Variants in MAP4K3 observed in about 807,000 individuals in gnomAD.
MAP4K3 encodes MAPK/ERK kinase kinase kinase 3.
In MAP4K3, 94 loss-of-function variants were observed where a neutral mutation model predicts 143.5. The ratio of observed to expected loss-of-function variants is 0.65; its 90% CI spans 0.55 to 0.78. The LOEUF (loss-of-function observed/expected upper bound fraction) is 0.78, where lower values mean the gene tolerates loss of function less well. Ranked by LOEUF, MAP4K3 falls within the 30% of genes least tolerant of loss-of-function variation. The pLI, the probability that MAP4K3 is intolerant of heterozygous loss-of-function variation, is 0.00. For synonymous variants in MAP4K3, 416 were observed against 347.2 expected (o/e 1.20, Z -2.20); for missense variants, 1,077 against 1,068.1 (o/e 1.01, Z -0.12).
chr2:39,306,973 T>G (rs1261532785), intron 15 of MAP4K3, among the ~76,000 whole-genome samples: 1 of 152,226 alleles, frequency 6.6e-6, no homozygotes, highest in Non-Finnish European at 1.5e-5. Context: ...AGAGTTTGTA[T>G]GTGTAAGTAT....
chr2:39,358,263 C>T (rs1385970110), intron 2 of MAP4K3, among the ~76,000 whole-genome samples: 4 of 152,260 alleles, frequency 2.6e-5, no homozygotes, highest in Non-Finnish European at 4.4e-5. Context: ...CATGTCTTTG[C>T]CTTCACTAGA....
intron 28 of MAP4K3, among the ~76,000 whole-genome samples, chr2:39,261,866 T>C (rs1369900760): frequency 1.3e-5 from 2 of 152,066 alleles, no homozygotes; most frequent in African/African-American, 2.4e-5. Flanking sequence ...TTAGTTCTAA[T>C]GTTTAGGGAT....
intron 13 of MAP4K3, 108 bp downstream of exon 13, chr2:39,315,202 G>T: frequency 1.5e-6 from 1 of 680,534 alleles, no homozygotes; most frequent in Non-Finnish European, 2.3e-6. Flanking sequence ...CTTTAACAGT[G>T]TTTAGTAAGA....
intron 8 of MAP4K3, among the ~76,000 whole-genome samples, chr2:39,329,999 T>C (rs1275339645): frequency 6.6e-6 from 1 of 152,112 alleles, no homozygotes; most frequent in Non-Finnish European, 1.5e-5. Flanking sequence ...ATTTTTTTGT[T>C]CTTAGAGAAA....
intron 1 of MAP4K3, among the ~76,000 whole-genome samples, chr2:39,411,995 T>G (rs1242333781): frequency 3.3e-5 from 5 of 152,182 alleles, no homozygotes; most frequent in Admixed American, 3.3e-4. Context: ...AAGAAATGAG[T>G]GAGGGTAAAC....
At chr2:39,259,745 G>A (rs1314254837) in intron 29 of MAP4K3, among the ~76,000 whole-genome samples, 3 of 152,086 alleles carry the variant, frequency 2.0e-5, no homozygotes, top group Non-Finnish European at 4.4e-5. Context: ...AAAAATATTT[G>A]AGTCTATATA....
intron 23 of MAP4K3, 34 bp from the exon 24 acceptor site, chr2:39,278,520 T>A: frequency 8.4e-7 from 1 of 1,194,102 alleles, no homozygotes; most frequent in South Asian, 1.4e-5. Context: ...CTGATTTTGG[T>A]AAATAAAATA....
At chr2:39,411,437 G>A (rs529151080) in intron 1 of MAP4K3, among the ~76,000 whole-genome samples, 2 of 152,316 alleles carry the variant, frequency 1.3e-5, no homozygotes, top group East Asian at 3.9e-4. Flanking sequence ...TATGGTTTCA[G>A]TGTCTTGTTT....
In MAP4K3 at chr2:39,250,757, T is replaced by C. The variant is rs373967246; in HGVS notation, c.2598-52A>G. On this transcript the variant is annotated intron_variant, in intron 33 of 33. Transcript: ENST00000263881. ...AAACAAAGTTATTCCTGAAAATTAATGTTAGCTCCCAAATTTTCCATTGCT... is the reference window on the plus strand; with the variant it reads ...AAACAAAGTTATTCCTGAAAATTAACGTTAGCTCCCAAATTTTCCATTGCT... 1.9e-4 allele frequency: 278 copies of C among 1,465,520 alleles called. 1 individual carries two copies. The African/African-American group carries it at 3.3e-3, about 17-fold the overall frequency. The allele number at this position is 1,465,520 out of a possible 1,614,324, so 90.8% of individuals were successfully genotyped here. A position where few individuals can be genotyped will look rare whatever the true frequency, so the allele number is the denominator to read the frequency against.
chr2:39,249,958 T>C lies in MAP4K3; in HGVS notation c.*660A>G, dbSNP rs1460728358. ...CACATAGAAAACAATCCAAATACAT[T>C]TGTGGAGCCAAATGCTTATAGACAA... On this transcript the variant is annotated 3_prime_UTR_variant, in exon 34 of 34. Coordinates refer to ENST00000263881, the MANE Select transcript of MAP4K3 (RefSeq NM_003618.4). 1 of 152,262 alleles carries C rather than the reference T, an allele frequency of 6.6e-6. No individual in the cohort carries two copies. The highest frequency in any genetic ancestry group is 1.5e-5 in the Non-Finnish European group (1 of 68,000). The allele number at this position is 152,262 out of a possible 1,614,324, so 9.4% of individuals were successfully genotyped here.
At chr2:39,255,765 A>G (rs190743027) in intron 31 of MAP4K3, among the ~76,000 whole-genome samples, 1 of 152,274 alleles carries the variant, frequency 6.6e-6, no homozygotes, top group African/African-American at 2.4e-5. Flanking sequence ...GGCTCAAGCA[A>G]TTCTCCTGCC....
At chr2:39,298,023 T>A (rs1369323983) in intron 16 of MAP4K3, among the ~76,000 whole-genome samples, 1 of 152,090 alleles carries the variant, frequency 6.6e-6, no homozygotes, top group Non-Finnish European at 1.5e-5. Context: ...GTACTTTGCA[T>A]GTACAGATTT....
intron 2 of MAP4K3, among the ~76,000 whole-genome samples, chr2:39,357,274 G>A (rs1665639108): frequency 6.6e-6 from 1 of 152,192 alleles, no homozygotes; most frequent in Admixed American, 6.5e-5. Context: ...AAATGGAAGT[G>A]CTTACTCTGA....
chr2:39,359,754 T>G (rs1665713545), intron 2 of MAP4K3, among the ~76,000 whole-genome samples: 1 of 152,384 alleles, frequency 6.6e-6, no homozygotes, highest in African/African-American at 2.4e-5. Flanking sequence ...GCTGCCAGGC[T>G]TGGGGCTTGC....
intron 29 of MAP4K3, among the ~76,000 whole-genome samples, chr2:39,260,385 G>A (rs1680518742): frequency 6.6e-6 from 1 of 152,072 alleles, no homozygotes; most frequent in African/African-American, 2.4e-5. Flanking sequence ...CAAAGTACTG[G>A]GATTACTGGC....
chr2:39,306,997 G>C (rs781744525), intron 15 of MAP4K3, among the ~76,000 whole-genome samples: 4 of 152,110 alleles, frequency 2.6e-5, no homozygotes, highest in Non-Finnish European at 5.9e-5. Flanking sequence ...CTGTCCAATA[G>C]GACAGCAACC....
At chr2:39,258,667 G>A (rs1001695970) in intron 29 of MAP4K3, 80 bp from the exon 30 acceptor site, 10 of 995,782 alleles carry the variant, frequency 1.0e-5, no homozygotes, top group Admixed American at 1.8e-5. Context: ...AAAGAATTCT[G>A]AGGATAACAA....
At chr2:39,333,694 T>C (rs1264124632) in intron 6 of MAP4K3, 120 bp from the exon 7 acceptor site, 2 of 523,956 alleles carry the variant, frequency 3.8e-6, no homozygotes, top group Non-Finnish European at 6.6e-6. Flanking sequence ...ACTTAAAGTG[T>C]GCTTAATTAA....
At chr2:39,286,577 T>C (rs1681787083) in intron 21 of MAP4K3, among the ~76,000 whole-genome samples, 1 of 152,224 alleles carries the variant, frequency 6.6e-6, no homozygotes, top group African/African-American at 2.4e-5. Context: ...ACTAAGCATT[T>C]ATCTGTATAA....
Sources: allele counts gnomAD v4.1 joint callset (sites outside exome capture counted in the v4.1 genomes callset), GRCh38; gene constraint gnomAD v4.1.1; transcripts MANE v1.5; gene names NCBI Gene and HGNC (gene_info 2026-07-23, HGNC 2026-07-21).